TTYH2: variants seen among roughly 807,000 people sequenced by gnomAD.
The protein encoded by TTYH2 is tweety family member 2.
In TTYH2, 49 loss-of-function variants were observed where a neutral mutation model predicts 68.3. That is an observed-to-expected ratio of 0.72 (90% CI 0.57 to 0.91). TTYH2 has a LOEUF of 0.91. TTYH2 is among the 40% of genes least tolerant of loss of function. The pLI is 0.00. For missense variants in TTYH2, 631 were observed against 700.4 expected, an observed-to-expected ratio of 0.90 and a Z score of 1.12; for synonymous variants, 272 against 300.8, an observed-to-expected ratio of 0.90 and a Z score of 0.99.
At chr17:74,253,698 T>TAC (rs1473341003) in intron 12 of TTYH2, 57 bp from the exon 13 acceptor site, 3 of 1,573,056 alleles carry the variant, frequency 1.9e-6, no homozygotes. Context: ...TGTAGAAATC[T>TAC]ACACACACCC....
chr17:74,253,710 C>G (rs763199755), intron 12 of TTYH2, 45 bp from the exon 13 acceptor site: 2 of 1,590,504 alleles, frequency 1.3e-6, no homozygotes, highest in African/African-American at 1.3e-5. Context: ...CACACACCCC[C>G]ACTCCCACAC....
chr17:74,229,172 A>G (rs1234511344), intron 2 of TTYH2, among the ~76,000 whole-genome samples: 1 of 152,100 alleles, frequency 6.6e-6, no homozygotes, highest in African/African-American at 2.4e-5. Flanking sequence ...AGGGTGGAGG[A>G]TGTCGAGAGA....
At chr17:74,229,347 T>TTGGGCTGGC (rs1567812874) in intron 2 of TTYH2, among the ~76,000 whole-genome samples, 1 of 152,158 alleles carries the variant, frequency 6.6e-6, no homozygotes, top group Non-Finnish European at 1.5e-5. Flanking sequence ...TCAGCATCCC[T>TTGGGCTGGC]TGGGCTGGCT....
Position 74,214,602 on chromosome 17 carries a change from T to C in TTYH2, c.129+886T>C, listed in dbSNP as rs947823215. On this transcript the variant is annotated intron_variant, in intron 1 of 13. Transcript: ENST00000269346. This position sits in a 1 kb window ranked among gnomAD's most constrained non-coding sequence, Gnocchi z 4.6. ...AAACAGGGCCAGGGCTCCCCAGACC[T>C]CCCTGCCCAGACAAACAAAGCTGCA... 5.9e-5 allele frequency among the ~76,000 whole-genome samples: 9 copies of C among 152,108 alleles called. No individual in the cohort carries two copies. Among genetic ancestry groups the C allele is most frequent in the African/African-American group, 1.9e-4 (8 of 41,420 alleles).
In TTYH2 at chr17:74,239,488, A is replaced by G. The variant is rs768387190; in HGVS notation, c.635+1974A>G. 7.2e-5 allele frequency among the ~76,000 whole-genome samples: 11 copies of G among 152,066 alleles called. No homozygotes were observed. The highest frequency in any genetic ancestry group is 4.4e-5 in the Non-Finnish European group (3 of 67,996). ...TGCACAACTTACTTCTGTTTTCTGGATTTGTGTCCCCTTGTGTCATAAAGC... is the reference window on the plus strand; with the variant it reads ...TGCACAACTTACTTCTGTTTTCTGGGTTTGTGTCCCCTTGTGTCATAAAGC... On this transcript the variant is annotated intron_variant, in intron 4 of 13. Transcript: ENST00000269346. This position sits in a 1 kb window ranked among gnomAD's most constrained non-coding sequence, Gnocchi z 5.3.
chr17:74,224,403 C>CACAG (rs376346380), intron 2 of TTYH2, among the ~76,000 whole-genome samples: 1,640 of 152,052 alleles, frequency 0.011, 15 homozygotes, highest in Non-Finnish European at 0.016. Context: ...CACACACACA[C>CACAG]AGATACACAC....
chr17:74,248,526 G>T, intron 6 of TTYH2: 1 of 993,984 alleles, frequency 1.0e-6, no homozygotes, highest in Non-Finnish European at 1.2e-6. Context: ...AAAGAGTTTG[G>T]GGGAGGCTTC....
Position 74,217,351 on chromosome 17 carries a change from T to C in TTYH2, c.129+3635T>C, listed in dbSNP as rs2050230740. Among the ~76,000 whole-genome samples the C allele has an allele frequency of 6.6e-6, 1 of 152,182 alleles. No individual in the cohort carries two copies. Among genetic ancestry groups the C allele is most frequent in the African/African-American group, 2.4e-5 (1 of 41,430 alleles). On this transcript the variant is annotated intron_variant, in intron 1 of 13. Coordinates refer to ENST00000269346, the MANE Select transcript of TTYH2 (RefSeq NM_032646.6). This position sits in a 1 kb window ranked among gnomAD's most constrained non-coding sequence, Gnocchi z 4.0. ...TTTTTTTTGTATTTAGGCATGTATTTCCACGTGTTCTCTCATTGGTTGGTT... is the reference window on the plus strand; with the variant it reads ...TTTTTTTTGTATTTAGGCATGTATTCCCACGTGTTCTCTCATTGGTTGGTT...
chr17:74,224,175 C>T (rs2050306724), intron 2 of TTYH2, among the ~76,000 whole-genome samples: 1 of 152,142 alleles, frequency 6.6e-6, no homozygotes, highest in African/African-American at 2.4e-5. Context: ...TTTGGGAGGC[C>T]AAGGCGGGTG....
At chr17:74,242,023 C>T (rs1239705317) in intron 4 of TTYH2, among the ~76,000 whole-genome samples, 1 of 152,248 alleles carries the variant, frequency 6.6e-6, no homozygotes. Flanking sequence ...AAGTCCTTGG[C>T]TGCCTTGCCC....
In TTYH2 at chr17:74,217,796, A is replaced by T. The variant is rs917024751; in HGVS notation, c.129+4080A>T. 3.9e-5 allele frequency among the ~76,000 whole-genome samples: 6 copies of T among 152,300 alleles called. No homozygotes were observed. The highest frequency in any genetic ancestry group is 7.4e-5 in the Non-Finnish European group (5 of 68,018). On this transcript the variant is annotated intron_variant, in intron 1 of 13. Transcript: ENST00000269346. This position sits in a 1 kb window ranked among gnomAD's most constrained non-coding sequence, Gnocchi z 4.0. Reference sequence around the variant, plus strand: ...GCTGCCATGGTCACTGCGGCCCCCAACTTGGGTCCCAGCTTGGCACTCTCC... The same window carrying T: ...GCTGCCATGGTCACTGCGGCCCCCATCTTGGGTCCCAGCTTGGCACTCTCC...
At chr17:74,250,454 C>A in intron 10 of TTYH2, 97 bp downstream of exon 10, 1 of 1,004,766 alleles carries the variant, frequency 1.0e-6, no homozygotes, top group South Asian at 1.6e-5. Context: ...GGAGCGATGG[C>A]CTGGGTCCCC....
At chr17:74,226,203 A>G (rs2050327843) in intron 2 of TTYH2, among the ~76,000 whole-genome samples, 1 of 152,198 alleles carries the variant, frequency 6.6e-6, no homozygotes, top group South Asian at 2.1e-4. Flanking sequence ...CAGGGTCATG[A>G]GGGTGGCCAG....
At chr17:74,230,859 C>G in intron 2 of TTYH2, 29 bp from the exon 3 acceptor site, 1 of 1,611,010 alleles carries the variant, frequency 6.2e-7, no homozygotes, top group Non-Finnish European at 8.5e-7. Flanking sequence ...TGTATCACCT[C>G]TAACCTCTGT....
At chr17:74,254,993 G>C (rs1397239903) in intron 13 of TTYH2, among the ~76,000 whole-genome samples, 1 of 152,206 alleles carries the variant, frequency 6.6e-6, no homozygotes, top group African/African-American at 2.4e-5. Context: ...CCTCCAGCCA[G>C]AGTACCTGAG....
At chr17:74,230,375 G>A (rs981652169) in intron 2 of TTYH2, among the ~76,000 whole-genome samples, 4 of 151,954 alleles carry the variant, frequency 2.6e-5, no homozygotes, top group African/African-American at 4.8e-5. Flanking sequence ...GATCACAGGC[G>A]TGAGCCACCA....
At chr17:74,260,065 A>G in intron 13 of TTYH2, 64 bp from the exon 14 acceptor site, 1 of 1,484,164 alleles carries the variant, frequency 6.7e-7, no homozygotes. Context: ...AGTCCCCGGC[A>G]CCTTTGCTGG....
chr17:74,243,368 A>G lies in TTYH2; in HGVS notation c.636-6A>G, dbSNP rs925792064. 6.2e-7 allele frequency: 1 copy of G among 1,613,324 alleles called. No homozygotes were observed. The highest frequency in any genetic ancestry group is 8.5e-7 in the Non-Finnish European group (1 of 1,179,442). On this transcript the variant is annotated splice_region_variant and splice_polypyrimidine_tract_variant and intron_variant, in intron 4 of 13. Transcript: ENST00000269346. ...TGCTCCTGACCATCCCTGCCCCTCT[A>G]CCCAGGTGGCTCTCCTACCTCCTGC... is the stretch of plus-strand genomic sequence containing the variant.
chr17:74,232,567 C>G lies in TTYH2; in HGVS notation c.414+1568C>G, dbSNP rs2050400984. ...AGGTGTGGCCTGCCTGGGGAGAACT[C>G]TCCCTCTGGGCACCCACCCTTGCCC... On this transcript the variant is annotated intron_variant, in intron 3 of 13. Transcript: ENST00000269346. This position sits in a 1 kb window ranked among gnomAD's most constrained non-coding sequence, Gnocchi z 5.1. Among the ~76,000 whole-genome samples the G allele has an allele frequency of 6.6e-6, 1 of 152,144 alleles. No homozygotes were observed. The highest frequency in any genetic ancestry group is 2.4e-5 in the African/African-American group (1 of 41,428).
Sources: gnomAD v4.1 joint callset for allele counts (sites outside exome capture counted in the v4.1 genomes callset) on GRCh38, gnomAD v4.1.1 for gene constraint, Gnocchi (gnomAD v3.1) non-coding constraint, MANE v1.5 for transcripts, NCBI Gene and HGNC (gene_info 2026-07-23, HGNC 2026-07-21) for gene names.